GRM4: variants seen among roughly 807,000 people sequenced by gnomAD.
GRM4 encodes glutamate metabotropic receptor 4.
GRM4 carries 28 observed loss-of-function variants against 81.7 expected under a neutral mutation model. That is an observed-to-expected ratio of 0.34 (90% CI 0.25 to 0.47). GRM4 has a LOEUF of 0.47. Among genes scored for constraint, GRM4 ranks in the 20% least tolerant of loss-of-function variants. The probability of loss-of-function intolerance (pLI) is 1.00; values close to 1 mark genes in which losing one functional copy is unlikely to be tolerated. For synonymous variants in GRM4, 488 were observed against 528.8 expected, an observed-to-expected ratio of 0.92 and a Z score of 1.06; for missense variants, 948 against 1,290.0, an observed-to-expected ratio of 0.73 and a Z score of 4.06.
intron 3 of GRM4, among the ~76,000 whole-genome samples, chr6:34,081,454 TGGGAAGAAGGAAGAG>T (rs1767589007): frequency 6.6e-6 from 1 of 152,202 alleles, no homozygotes; most frequent in Non-Finnish European, 1.5e-5. Flanking sequence ...TCAAGGGCTC[TGGGAAGAAGGAAGAG>T]GGACCAGGTT....
intron 2 of GRM4, chr6:34,103,838 G>C (rs1475907816): frequency 7.0e-7 from 1 of 1,429,098 alleles, no homozygotes; most frequent in African/African-American, 1.4e-5. Context: ...GAAAGACTGG[G>C]ATGTGTCAGG....
intron 2 of GRM4, chr6:34,110,598 G>T: frequency 1.4e-6 from 1 of 711,406 alleles, no homozygotes; most frequent in Non-Finnish European, 2.4e-6. Context: ...GGTTGTTGCT[G>T]AATATCTCAG....
chr6:34,066,428 T>C (rs75094041), intron 3 of GRM4, among the ~76,000 whole-genome samples: 1 of 152,144 alleles, frequency 6.6e-6, no homozygotes, highest in Non-Finnish European at 1.5e-5. Flanking sequence ...CAAAAGCAAG[T>C]TGCAGCAGGA....
chr6:34,150,158 G>A (rs146233152), upstream of GRM4, among the ~76,000 whole-genome samples: 1,784 of 151,774 alleles, frequency 0.012, 19 homozygotes, highest in Middle Eastern at 0.024. Flanking sequence ...GGTACACAGC[G>A]CATTTGTACC....
intron 3 of GRM4, among the ~76,000 whole-genome samples, chr6:34,086,497 A>G (rs1045419593): frequency 1.3e-5 from 2 of 152,186 alleles, no homozygotes; most frequent in African/African-American, 4.8e-5. Flanking sequence ...GGAGCAGGCC[A>G]AGCCCCCCAC....
At chr6:34,046,694 C>T (rs186477139) in intron 6 of GRM4, among the ~76,000 whole-genome samples, 65 of 152,290 alleles carry the variant, frequency 4.3e-4, no homozygotes, top group African/African-American at 1.3e-3. Context: ...CTGAGGGGTA[C>T]GGCTGGGGCA....
rs1267119984 is a variant in GRM4 at position 34,034,077 on chromosome 6, ACTC to A, written c.2442+1588_2442+1590del. On this transcript the variant is annotated intron_variant, in intron 9 of 10. Coordinates refer to ENST00000538487, the MANE Select transcript of GRM4 (RefSeq NM_000841.4). The surrounding 1 kb of genome is among the most constrained non-coding windows in gnomAD (Gnocchi z 4.0). ...TCTAGATGCCAGGCTCAGGCTGACA[ACTC>A]CTCAGATATGTCTCCAGCCCAGAAC... Among the ~76,000 whole-genome samples, 1 of 151,844 alleles carries A rather than the reference ACTC, an allele frequency of 6.6e-6. No individual in the cohort carries two copies. Among genetic ancestry groups the A allele is most frequent in the African/African-American group, 2.4e-5 (1 of 41,322 alleles).
At chr6:34,150,200 GGAGA>G (rs1771017888), upstream of GRM4, among the ~76,000 whole-genome samples, 2 of 152,348 alleles carry the variant, frequency 1.3e-5, no homozygotes, top group South Asian at 4.1e-4. Flanking sequence ...GGCTGAAGGA[GGAGA>G]GAGACTGGCT....
At position 34,080,480 on chromosome 6, in the gene GRM4, C is replaced by T. The variant is rs1424981226; in HGVS notation, c.736+11403G>A. On this transcript the variant is annotated intron_variant, in intron 3 of 10. Coordinates refer to ENST00000538487, the MANE Select transcript of GRM4 (RefSeq NM_000841.4). The surrounding 1 kb of genome is among the most constrained non-coding windows in gnomAD (Gnocchi z 5.4). ...CGTACCCCAGTGTCCTGGTCCAATG[C>T]CTGGCACATAGTCAGTGCTCAATAA... Among the ~76,000 whole-genome samples the T allele has an allele frequency of 6.6e-6, 1 of 152,210 alleles. No individual in the cohort carries two copies. The highest frequency in any genetic ancestry group is 1.5e-5 in the Non-Finnish European group (1 of 68,044).
intron 2 of GRM4, among the ~76,000 whole-genome samples, chr6:34,096,199 C>T (rs1433342569): frequency 6.6e-6 from 1 of 152,152 alleles, no homozygotes; most frequent in Non-Finnish European, 1.5e-5. Flanking sequence ...GGGCAAGAGT[C>T]AGAACTCAGA....
At chr6:34,075,887 G>C (rs141992311) in intron 3 of GRM4, among the ~76,000 whole-genome samples, 1 of 152,186 alleles carries the variant, frequency 6.6e-6, no homozygotes. Context: ...CGACGATAGC[G>C]GAAATGAACC....
At chr6:34,084,905 T>C (rs528474904) in intron 3 of GRM4, among the ~76,000 whole-genome samples, 1 of 152,222 alleles carries the variant, frequency 6.6e-6, no homozygotes, top group Admixed American at 6.5e-5. Context: ...GATTTGTGTC[T>C]TCACTTCAAT....
rs866713752 is a variant in GRM4, at chr6:34,117,081, G to A, written c.519+15897C>T. On this transcript the variant is annotated intron_variant, in intron 2 of 10. Coordinates refer to ENST00000538487, the MANE Select transcript of GRM4 (RefSeq NM_000841.4). ...CTGAGAATGTTCTCTATCGGATACC[G>A]GCAAATGCATTTATAAAAGTTCAAC... 4.6e-5 allele frequency among the ~76,000 whole-genome samples: 7 copies of A among 152,238 alleles called. No homozygotes were observed. The South Asian group carries it at 8.3e-4, about 18-fold the overall frequency.
intron 9 of GRM4, among the ~76,000 whole-genome samples, chr6:34,031,116 C>T (rs1044056093): frequency 6.6e-6 from 1 of 152,202 alleles, no homozygotes; most frequent in Non-Finnish European, 1.5e-5. Context: ...TCCTCTAGAC[C>T]CCAGCAGGCA....
intron 3 of GRM4, among the ~76,000 whole-genome samples, chr6:34,079,923 G>A (rs1373046096): frequency 6.6e-6 from 1 of 152,128 alleles, no homozygotes; most frequent in Non-Finnish European, 1.5e-5. Flanking sequence ...ACAGCCAGAG[G>A]GATCTCGACC....
chr6:34,094,790 C>T (rs79912573), intron 2 of GRM4, among the ~76,000 whole-genome samples: 4 of 152,288 alleles, frequency 2.6e-5, no homozygotes, highest in East Asian at 3.9e-4. Context: ...CCTTGATTCC[C>T]GGCAGGGGTT....
In GRM4 at chr6:34,059,141, A is replaced by G. The variant is rs10214625; in HGVS notation, c.873-13T>C. 2.5e-4 allele frequency: 407 copies of G among 1,612,872 alleles called. No individual in the cohort carries two copies. In the African/African-American group the frequency reaches 4.2e-3, roughly 17 times the overall value. On this transcript the variant is annotated splice_polypyrimidine_tract_variant and intron_variant, in intron 4 of 10. Transcript: ENST00000538487. This position sits in a 1 kb window ranked among gnomAD's most constrained non-coding sequence, Gnocchi z 5.7. ...CTCCAGCACACGCCTGTAGGAACAT[A>G]CACCAGCCCAGCCCAGCCGCGTCTG...
In GRM4 at chr6:34,040,197, G is replaced by A. The variant is rs1208984171; in HGVS notation, c.1487C>T (p.Thr496Ile). 1 of 1,614,040 alleles carries A rather than the reference G, an allele frequency of 6.2e-7. No homozygotes were observed. The highest frequency in any genetic ancestry group is 1.3e-5 in the African/African-American group (1 of 74,958). Reference protein sequence around the residue: ...SAEYKVIGSWTDHLHLRIERM... With the variant: ...SAEYKVIGSWIDHLHLRIERM... ...ACTTACTCTAAGGTGCAGGTGGTCA[G>A]TCCAGGAGCCAATGACCTTGTACTC... Residue 496 changes from threonine (T) to isoleucine (I), a missense_variant, in exon 8 of 11, where the codon ACT (threonine) becomes ATT (isoleucine). By Grantham distance (89) the Thr-to-Ile change is moderately conservative (BLOSUM62 -1). Transcript: ENST00000538487.
rs1270291384 is a variant in GRM4 at position 34,069,129 on chromosome 6, CAG to C, written c.737-7103_737-7102del. 1.3e-5 allele frequency among the ~76,000 whole-genome samples: 2 copies of C among 150,762 alleles called. No individual in the cohort carries two copies. On this transcript the variant is annotated intron_variant, in intron 3 of 10. Coordinates refer to ENST00000538487, the MANE Select transcript of GRM4 (RefSeq NM_000841.4). This position sits in a 1 kb window ranked among gnomAD's most constrained non-coding sequence, Gnocchi z 6.4. ...CCATAGGGGAGGACAGAGGGGAGGA[CAG>C]GGGCTGGAAGCTACCCCTGGACCCT...
Sources: allele counts gnomAD v4.1 joint callset (sites outside exome capture counted in the v4.1 genomes callset), GRCh38; gene constraint gnomAD v4.1.1; non-coding constraint Gnocchi (gnomAD v3.1); transcripts MANE v1.5; gene names NCBI Gene and HGNC (gene_info 2026-07-23, HGNC 2026-07-21).